The following ADAT2 variants were observed in gnomAD, a reference collection of about 807,000 sequenced individuals.
ADAT2 encodes tRNA-specific adenosine-34 deaminase catalytic subunit ADAT2.
In ADAT2, 26 loss-of-function variants were observed where a neutral mutation model predicts 25.9. The ratio of observed to expected loss-of-function variants is 1.00; its 90% CI spans 0.74 to 1.39. The LOEUF (loss-of-function observed/expected upper bound fraction) is 1.39. Among genes scored for constraint, ADAT2 ranks in the 40% most tolerant of loss-of-function variants. ADAT2 has a pLI of 0.00. For synonymous variants in ADAT2, 76 were observed against 86.8 expected (o/e 0.88, Z 0.69); for missense variants, 220 against 244.8 (o/e 0.90, Z 0.68).
chr6:143,427,911 T>C lies in ADAT2; in HGVS notation c.*552A>G, dbSNP rs532652759. ...TTTAAAAGTATGCATTTTTTCTAAATGCTTTATAAAAGCAAAGTCTTTTCT... is the reference window on the plus strand; with the variant it reads ...TTTAAAAGTATGCATTTTTTCTAAACGCTTTATAAAAGCAAAGTCTTTTCT... On this transcript the variant is annotated 3_prime_UTR_variant, in exon 6 of 6. Coordinates refer to ENST00000237283, the MANE Select transcript of ADAT2 (RefSeq NM_182503.3). 2 of 152,484 alleles carry C rather than the reference T, an allele frequency of 1.3e-5. No individual in the cohort carries two copies. Among genetic ancestry groups the C allele is most frequent in the East Asian group, 1.9e-4 (1 of 5,194 alleles). The allele number at this position is 152,484 out of a possible 1,614,324, so 9.4% of individuals were successfully genotyped here. A position where few individuals can be genotyped will look rare whatever the true frequency, so the allele number is the denominator to read the frequency against.
Position 143,442,478 on chromosome 6 carries a change from C to CACACACAA in ADAT2, c.97-3785_97-3784insTTGTGTGT, listed in dbSNP as rs935145383. On this transcript the variant is annotated intron_variant, in intron 1 of 5. Coordinates refer to ENST00000237283, the MANE Select transcript of ADAT2 (RefSeq NM_182503.3). This position sits in a 1 kb window ranked among gnomAD's most constrained non-coding sequence, Gnocchi z 4.6. ...TGACAAAATTGCATAGGCACGCATA[C>CACACACAA]ACACACACACACACACACACACACA... is the stretch of plus-strand genomic sequence containing the variant. 7.5e-6 allele frequency among the ~76,000 whole-genome samples: 1 copy of CACACACAA among 132,588 alleles called. No individual in the cohort carries two copies. The highest frequency in any genetic ancestry group is 1.7e-5 in the Non-Finnish European group (1 of 59,544). 87.0% of individuals were successfully genotyped at this position (132,588 alleles called of 152,430 possible). A position where few individuals can be genotyped will look rare whatever the true frequency, so the allele number is the denominator to read the frequency against.
chr6:143,430,500 T>G (rs1288437237), intron 4 of ADAT2, among the ~76,000 whole-genome samples: 2 of 152,188 alleles, frequency 1.3e-5, no homozygotes, highest in African/African-American at 4.8e-5. Context: ...TATAATATAT[T>G]ATTTACATTT....
intron 1 of ADAT2, among the ~76,000 whole-genome samples, chr6:143,438,930 G>A (rs1399784917): frequency 2.0e-5 from 3 of 152,148 alleles, no homozygotes; most frequent in Non-Finnish European, 4.4e-5. Context: ...AGCCCCTGAT[G>A]TCTTCTCATT....
chr6:143,428,498 A>C lies in ADAT2; in HGVS notation c.541T>G (p.Ser181Ala). The C allele has an allele frequency of 6.2e-7, 1 of 1,614,002 alleles. No homozygotes were observed. Among genetic ancestry groups the C allele is most frequent in the Non-Finnish European group, 8.5e-7 (1 of 1,179,998 alleles). The change falls in exon 6 of 6, where the codon TCG (serine) becomes GCG (alanine). Residue 181 changes from serine to alanine, a missense_variant. Ser to Ala is a moderately conservative substitution (Grantham distance 99, BLOSUM62 1). Coordinates refer to ENST00000237283, the MANE Select transcript of ADAT2 (RefSeq NM_182503.3). This position sits in a 1 kb window ranked among gnomAD's most constrained non-coding sequence, Gnocchi z 5.0. Reference protein sequence around the residue: ...YKQENPNAPKSKVRKKECQKS With the variant: ...YKQENPNAPKAKVRKKECQKS Reference sequence around the variant, plus strand: ...TGACATTCCTTTTTCCGAACTTTCGATTTTGGTGCTGTGAAAAGAATAGAA... The same window carrying C: ...TGACATTCCTTTTTCCGAACTTTCGCTTTTGGTGCTGTGAAAAGAATAGAA...
intron 1 of ADAT2, among the ~76,000 whole-genome samples, chr6:143,443,830 TAAAA>T (rs397970399): frequency 7.6e-6 from 1 of 131,960 alleles, no homozygotes; most frequent in Non-Finnish European, 1.6e-5. Flanking sequence ...AACTCTGTCT[TAAAA>T]AAAAAAAAAG....
rs903554052 is a variant in ADAT2 at position 143,437,073 on chromosome 6, GT to G, written c.201+1516del. On this transcript the variant is annotated intron_variant, in intron 2 of 5. Transcript: ENST00000237283. The surrounding 1 kb of genome is among the most constrained non-coding windows in gnomAD (Gnocchi z 4.1). ...TTTTCATAAGCAAATTGATAAAAAA[GT>G]TTTTTTGGGGGGCTGACATATTAAC... Among the ~76,000 whole-genome samples the G allele has an allele frequency of 7.2e-3, 1,076 of 150,456 alleles. 7 individuals are homozygous for G. Among genetic ancestry groups the G allele is most frequent in the African/African-American group, 0.025 (1,030 of 41,264 alleles).
intron 1 of ADAT2, among the ~76,000 whole-genome samples, chr6:143,449,603 T>C (rs1353888284): frequency 6.6e-6 from 1 of 152,208 alleles, no homozygotes; most frequent in African/African-American, 2.4e-5. Flanking sequence ...CAGGAACTTT[T>C]CAGCTTCATT....
chr6:143,439,670 C>T (rs1223302907), intron 1 of ADAT2, among the ~76,000 whole-genome samples: 4 of 152,110 alleles, frequency 2.6e-5, no homozygotes, highest in Admixed American at 2.0e-4. Flanking sequence ...ACAGTGGTTG[C>T]TTCATGGAGG....
At chr6:143,448,597 T>A (rs940057354) in intron 1 of ADAT2, among the ~76,000 whole-genome samples, 2 of 152,194 alleles carry the variant, frequency 1.3e-5, no homozygotes, top group Non-Finnish European at 2.9e-5. Context: ...AAAATTGCTT[T>A]CACTTTTGCC....
In ADAT2 at chr6:143,448,567, C is replaced by A. The variant is rs1176847310; in HGVS notation, c.96+1996G>T. Among the ~76,000 whole-genome samples the A allele has an allele frequency of 2.0e-5, 3 of 151,844 alleles. No individual in the cohort carries two copies. The East Asian group carries it at 5.8e-4, about 29-fold the overall frequency. On this transcript the variant is annotated intron_variant, in intron 1 of 5. Transcript: ENST00000237283. The stretch of plus-strand genomic sequence containing the variant: ...CAACAAACACCTCAAACATGCACAC[C>A]CTTATTATCACCAAGCATTAAAATT...
Position 143,446,096 on chromosome 6 carries a change from C to A in ADAT2, c.96+4467G>T, listed in dbSNP as rs1388934203. Among the ~76,000 whole-genome samples the A allele has an allele frequency of 2.0e-5, 3 of 148,450 alleles. No homozygotes were observed. Among genetic ancestry groups the A allele is most frequent in the African/African-American group, 7.4e-5 (3 of 40,436 alleles). On this transcript the variant is annotated intron_variant, in intron 1 of 5. Transcript: ENST00000237283. This position sits in a 1 kb window ranked among gnomAD's most constrained non-coding sequence, Gnocchi z 5.0. Reference sequence around the variant, plus strand: ...TCATGTATCAAAAAAAAAAAACCCACTAAGAATCCCAATACCCCAAAATAT... The same window carrying A: ...TCATGTATCAAAAAAAAAAAACCCAATAAGAATCCCAATACCCCAAAATAT...
intron 1 of ADAT2, among the ~76,000 whole-genome samples, chr6:143,447,220 G>C (rs1197509764): frequency 6.6e-6 from 1 of 152,176 alleles, no homozygotes; most frequent in Non-Finnish European, 1.5e-5. Context: ...TGAGGAGCTA[G>C]ATTTTATTTT....
At chr6:143,429,366 TAAAA>T (rs1320074554) in intron 4 of ADAT2, among the ~76,000 whole-genome samples, 5 of 151,150 alleles carry the variant, frequency 3.3e-5, no homozygotes, top group Non-Finnish European at 7.4e-5. Flanking sequence ...TTTTAAAAAA[TAAAA>T]TACAGCTTGT....
chr6:143,428,508 T>C lies in ADAT2; in HGVS notation c.533-2A>G. On this transcript the variant is annotated splice_acceptor_variant, in intron 5 of 5. Coordinates refer to ENST00000237283, the MANE Select transcript of ADAT2 (RefSeq NM_182503.3). LOFTEE classifies it high-confidence loss of function. The surrounding 1 kb of genome is among the most constrained non-coding windows in gnomAD (Gnocchi z 5.0). The stretch of plus-strand genomic sequence containing the variant: ...TTTTCCGAACTTTCGATTTTGGTGC[T>C]GTGAAAAGAATAGAAAAGAAAAAGA... 1 of 1,614,024 alleles carries C rather than the reference T, an allele frequency of 6.2e-7. No individual in the cohort carries two copies. The highest frequency in any genetic ancestry group is 8.5e-7 in the Non-Finnish European group (1 of 1,179,988).
At chr6:143,430,871 C>CA (rs1779094206) in intron 4 of ADAT2, among the ~76,000 whole-genome samples, 1 of 152,142 alleles carries the variant, frequency 6.6e-6, no homozygotes, top group Non-Finnish European at 1.5e-5. Context: ...AGCCATAAAA[C>CA]AAAAATTTTA....
chr6:143,446,448 T>C lies in ADAT2; in HGVS notation c.96+4115A>G, dbSNP rs1423868559. Among the ~76,000 whole-genome samples, 2 of 152,200 alleles carry C rather than the reference T, an allele frequency of 1.3e-5. No individual in the cohort carries two copies. The highest frequency in any genetic ancestry group is 2.9e-5 in the Non-Finnish European group (2 of 68,032). ...GAACTTCTCTATATAAATATTTATATTGCTTCTTTGTGATTTATTCCTAGA... is the reference window on the plus strand; with the variant it reads ...GAACTTCTCTATATAAATATTTATACTGCTTCTTTGTGATTTATTCCTAGA... On this transcript the variant is annotated intron_variant, in intron 1 of 5. Transcript: ENST00000237283. This position sits in a 1 kb window ranked among gnomAD's most constrained non-coding sequence, Gnocchi z 5.0.
At chr6:143,448,762 C>G (rs1779668224) in intron 1 of ADAT2, among the ~76,000 whole-genome samples, 2 of 152,054 alleles carry the variant, frequency 1.3e-5, no homozygotes, top group South Asian at 2.1e-4. Flanking sequence ...AATCCCAGCA[C>G]TTTGGGAGGC....
Position 143,428,526 on chromosome 6 carries a change from G to C in ADAT2, c.533-20C>G. On this transcript the variant is annotated intron_variant, in intron 5 of 5. Transcript: ENST00000237283. This position sits in a 1 kb window ranked among gnomAD's most constrained non-coding sequence, Gnocchi z 5.0. ...TTGGTGCTGTGAAAAGAATAGAAAA[G>C]AAAAAGAAAATGAAGAGGTAAGCTC... 1 of 1,613,484 alleles carries C rather than the reference G, an allele frequency of 6.2e-7. No individual in the cohort carries two copies. The highest frequency in any genetic ancestry group is 8.5e-7 in the Non-Finnish European group (1 of 1,179,806).
rs1418729896 is a variant in ADAT2 at position 143,432,434 on chromosome 6, A to G, written c.459+71T>C. ...TTTCTTCGTATACTGGCCACACACT[A>G]GTTATTCACAAGCCCATAAAGAGAT... On this transcript the variant is annotated intron_variant, in intron 4 of 5. Coordinates refer to ENST00000237283, the MANE Select transcript of ADAT2 (RefSeq NM_182503.3). The surrounding 1 kb of genome is among the most constrained non-coding windows in gnomAD (Gnocchi z 4.4). 3.7e-6 allele frequency: 5 copies of G among 1,348,594 alleles called. No homozygotes were observed. The highest frequency in any genetic ancestry group is 5.3e-6 in the Non-Finnish European group (5 of 943,478). The allele number at this position is 1,348,594 out of a possible 1,614,324, so 83.5% of individuals were successfully genotyped here. A position where few individuals can be genotyped will look rare whatever the true frequency, so the allele number is the denominator to read the frequency against.
Sources: gnomAD v4.1 joint callset for allele counts (sites outside exome capture counted in the v4.1 genomes callset) on GRCh38, gnomAD v4.1.1 for gene constraint, Gnocchi (gnomAD v3.1) non-coding constraint, MANE v1.5 for transcripts, NCBI Gene and HGNC (gene_info 2026-07-23, HGNC 2026-07-21) for gene names.